Variants in SPHKAP observed in about 807,000 individuals in gnomAD.
SPHKAP encodes the protein SPHK1 interactor, AKAP domain containing, also known as A-kinase anchor protein SPHKAP.
SPHKAP carries 67 observed loss-of-function variants against 137.5 expected under a neutral mutation model. That is an observed-to-expected ratio of 0.49 (90% CI 0.40 to 0.60). The LOEUF is 0.60. Ranked by LOEUF, SPHKAP falls within the 20% of genes least tolerant of loss-of-function variation. The pLI, the probability that SPHKAP is intolerant of heterozygous loss-of-function variation, is 0.00. For synonymous variants in SPHKAP, 813 were observed against 785.3 expected (o/e 1.04, Z -0.59); for missense variants, 2,097 against 2,069.3 (o/e 1.01, Z -0.26).
At chr2:228,122,404 T>C (rs1574869191) in intron 2 of SPHKAP, among the ~76,000 whole-genome samples, 1 of 152,186 alleles carries the variant, frequency 6.6e-6, no homozygotes, top group Admixed American at 6.5e-5. Context: ...AAGGTTGGCA[T>C]GTTGGACTGT....
intron 7 of SPHKAP, among the ~76,000 whole-genome samples, chr2:228,003,295 T>C (rs1693985179): frequency 6.6e-6 from 1 of 152,194 alleles, no homozygotes; most frequent in African/African-American, 2.4e-5. Flanking sequence ...CCCTTGTAAG[T>C]TGGATTCCTA....
chr2:228,074,032 G>A (rs890320882), intron 3 of SPHKAP, among the ~76,000 whole-genome samples: 1 of 152,176 alleles, frequency 6.6e-6, no homozygotes, highest in Non-Finnish European at 1.5e-5. Flanking sequence ...TCAACATTCA[G>A]TTTTCAAAAG....
chr2:228,039,922 A>G (rs1574788058), intron 3 of SPHKAP, among the ~76,000 whole-genome samples: 1 of 152,160 alleles, frequency 6.6e-6, no homozygotes, highest in East Asian at 1.9e-4. Context: ...AACCATCAAG[A>G]AATGTCATTG....
chr2:228,056,572 A>G (rs933408480), intron 3 of SPHKAP, among the ~76,000 whole-genome samples: 3 of 148,266 alleles, frequency 2.0e-5, no homozygotes, highest in Non-Finnish European at 4.5e-5. Context: ...CAAGGGGATA[A>G]AGTAAATGAG....
At chr2:228,031,246 C>T (rs532407338) in intron 3 of SPHKAP, among the ~76,000 whole-genome samples, 11 of 152,344 alleles carry the variant, frequency 7.2e-5, no homozygotes, top group African/African-American at 2.2e-4. Flanking sequence ...GAGGGTCCTA[C>T]GCCCATGGAG....
At chr2:228,049,853 A>G (rs1255686832) in intron 3 of SPHKAP, among the ~76,000 whole-genome samples, 1 of 152,162 alleles carries the variant, frequency 6.6e-6, no homozygotes, top group African/African-American at 2.4e-5. Flanking sequence ...GCTGCATAGC[A>G]TTCCATGGTA....
chr2:228,002,070 T>C (rs1693929083), intron 7 of SPHKAP, among the ~76,000 whole-genome samples: 1 of 152,188 alleles, frequency 6.6e-6, no homozygotes. Flanking sequence ...TTTATAATCC[T>C]TTGGGTATAT....
rs564964606 is a variant in SPHKAP at position 228,122,831 on chromosome 2, G to T, written c.138+9149C>A. Among the ~76,000 whole-genome samples the T allele has an allele frequency of 4.3e-4, 66 of 152,258 alleles. No individual in the cohort carries two copies. In the South Asian group the frequency reaches 5.4e-3, roughly 12 times the overall value. On this transcript the variant is annotated intron_variant, in intron 2 of 11. Transcript: ENST00000392056. Reference sequence around the variant, plus strand: ...ATGGTGAATGAAATCGCCTCCAGAGGGAATGTGGTGGCTGGCTCTGTAGAT... The same window carrying T: ...ATGGTGAATGAAATCGCCTCCAGAGTGAATGTGGTGGCTGGCTCTGTAGAT...
chr2:227,997,560 A>T lies in SPHKAP; in HGVS notation c.4449-1866T>A, dbSNP rs143176062. Among the ~76,000 whole-genome samples, 8 of 152,294 alleles carry T rather than the reference A, an allele frequency of 5.3e-5. No individual in the cohort carries two copies. The East Asian group carries it at 1.5e-3, about 29-fold the overall frequency. On this transcript the variant is annotated intron_variant, in intron 7 of 11. Transcript: ENST00000392056. ...TATTAATAAATTATATAATTCATTA[A>T]GTCTAATAACATGCTTTTGTTAAGA...
chr2:228,180,750 C>T (rs1700884390), intron 1 of SPHKAP, among the ~76,000 whole-genome samples: 1 of 152,184 alleles, frequency 6.6e-6, no homozygotes, highest in Admixed American at 6.5e-5. Flanking sequence ...ACCACCGCCC[C>T]GATTTACCCA....
intron 3 of SPHKAP, among the ~76,000 whole-genome samples, chr2:228,072,579 G>A (rs1697038102): frequency 6.6e-6 from 1 of 152,128 alleles, no homozygotes; most frequent in Admixed American, 6.5e-5. Flanking sequence ...CCTTTTCTCT[G>A]GGTGGGCTGT....
chr2:228,018,261 C>A lies in SPHKAP; in HGVS notation c.2593G>T (p.Val865Phe), dbSNP rs1424988887. 1.9e-6 allele frequency: 3 copies of A among 1,614,148 alleles called. No individual in the cohort carries two copies. Among genetic ancestry groups the A allele is most frequent in the Non-Finnish European group, 2.5e-6 (3 of 1,180,018 alleles). The change falls in exon 7 of 12, where the codon GTC (valine) becomes TTC (phenylalanine). Residue 865 changes from valine (V) to phenylalanine (F), a missense_variant. By Grantham distance (50) the Val-to-Phe change is conservative (BLOSUM62 -1). Transcript: ENST00000392056. ...ASSEGQRSPTVSQSRSGSQEA... is the reference protein window; with the variant it reads ...ASSEGQRSPTFSQSRSGSQEA... ...TGGGAACCACTTCTGGACTGGCTGA[C>A]CGTTGGGGACCTTTGTCCTTCGGAA... is the stretch of plus-strand genomic sequence containing the variant.
intron 1 of SPHKAP, among the ~76,000 whole-genome samples, chr2:228,143,549 G>A (rs951118496): frequency 6.6e-6 from 1 of 151,864 alleles, no homozygotes; most frequent in African/African-American, 2.4e-5. Flanking sequence ...AGGCTGGAGT[G>A]CAGTGGTGTG....
Position 228,018,174 on chromosome 2 carries a change from T to C in SPHKAP, c.2680A>G (p.Ile894Val). ...QEKYNCATSR[I>V]NEVQVNLSLL... is the part of the protein sequence containing the mutation. ...GACAGGTTGACTTGAACTTCGTTGA[T>C]GCGAGATGTGGCACAGTTGTACTTT... Residue 894 changes from isoleucine (I) to valine (V), a missense_variant, in exon 7 of 12, where the codon ATC (isoleucine) becomes GTC (valine). Ile to Val is a conservative substitution (Grantham distance 29, BLOSUM62 3). Coordinates refer to ENST00000392056, the MANE Select transcript of SPHKAP (RefSeq NM_001142644.2). The C allele has an allele frequency of 2.5e-6, 4 of 1,614,198 alleles. No individual in the cohort carries two copies. The highest frequency in any genetic ancestry group is 1.6e-4 in the Middle Eastern group (1 of 6,062).
chr2:228,018,922 G>C lies in SPHKAP; in HGVS notation c.1932C>G (p.Asn644Lys), dbSNP rs763498105. 1 of 1,614,166 alleles carries C rather than the reference G, an allele frequency of 6.2e-7. No homozygotes were observed. Among genetic ancestry groups the C allele is most frequent in the Admixed American group, 1.7e-5 (1 of 60,028 alleles). ...TTGAAGCAGTTTCCATGATTCTCCT[G>C]TTCATGGAGTCCAGAAAGTCTCCAA... ...SSIGDFLDSM[N>K]RRIMETASKS... is the part of the protein sequence containing the mutation. The change falls in exon 7 of 12, where the codon AAC becomes AAG. Residue 644 changes from asparagine to lysine, a missense_variant. Asn to Lys is a moderately conservative substitution (Grantham distance 94). Coordinates refer to ENST00000392056, the MANE Select transcript of SPHKAP (RefSeq NM_001142644.2).
chr2:228,117,834 T>TA (rs1456321732), intron 2 of SPHKAP, among the ~76,000 whole-genome samples: 2 of 151,180 alleles, frequency 1.3e-5, no homozygotes, highest in Admixed American at 1.3e-4. Flanking sequence ...CCTTTCCTTT[T>TA]TTTTTTTTTT....
At chr2:228,109,006 T>A in intron 2 of SPHKAP, 67 bp from the exon 3 acceptor site, 25 of 906,324 alleles carry the variant, frequency 2.8e-5, no homozygotes, top group Middle Eastern at 2.8e-4. Context: ...CAGCTCTCTC[T>A]CTTTTTTTTT....
intron 2 of SPHKAP, among the ~76,000 whole-genome samples, chr2:228,118,790 C>A (rs1698806257): frequency 6.6e-6 from 1 of 152,080 alleles, no homozygotes. Context: ...TTCGTTCTTT[C>A]ATTCGACTAC....
At chr2:228,056,278 G>A (rs1302953188) in intron 3 of SPHKAP, among the ~76,000 whole-genome samples, 7 of 152,208 alleles carry the variant, frequency 4.6e-5, no homozygotes, top group African/African-American at 1.7e-4. Flanking sequence ...ACCTATCAAA[G>A]TCATGGCACC....
Sources: gnomAD v4.1 joint callset for allele counts (sites outside exome capture counted in the v4.1 genomes callset) on GRCh38, gnomAD v4.1.1 for gene constraint, MANE v1.5 for transcripts, NCBI Gene and HGNC (gene_info 2026-07-23, HGNC 2026-07-21) for gene names.